Variants in CDKL5 observed in about 807,000 individuals in gnomAD.
CDKL5 encodes cyclin dependent kinase like 5, also known as cyclin-dependent kinase-like 5.
CDKL5 carries 8 observed loss-of-function variants against 61.7 expected under a neutral mutation model. The ratio of observed to expected loss-of-function variants is 0.13; its 90% confidence interval spans 0.08 to 0.23. The LOEUF (loss-of-function observed/expected upper bound fraction) is 0.23. CDKL5 is among the 10% of genes least tolerant of loss of function. The pLI is 1.00. For synonymous variants in CDKL5, 275 were observed against 272.3 expected, an observed-to-expected ratio of 1.01 and a Z score of -0.10; for missense variants, 440 against 734.5, an observed-to-expected ratio of 0.60 and a Z score of 4.63.
At chrX:18,568,834 A>G (rs977662436) in intron 4 of CDKL5, among the ~76,000 whole-genome samples, 10 of 109,781 alleles carry the variant, frequency 9.1e-5, no homozygotes, top group African/African-American at 3.3e-4. Context: ...AGCTGGGACT[A>G]CAGGTGCGCA....
chrX:18,484,948 A>G (rs1444696228), intron 1 of CDKL5, among the ~76,000 whole-genome samples: 2 of 110,525 alleles, frequency 1.8e-5, no homozygotes, highest in East Asian at 5.7e-4. Context: ...TAGTAGAGCC[A>G]GGGTCTCGCC....
intron 1 of CDKL5, among the ~76,000 whole-genome samples, chrX:18,499,814 G>A (rs960860527): frequency 3.6e-5 from 4 of 111,908 alleles, no homozygotes; most frequent in East Asian, 2.8e-4. Context: ...CTTACCTTGC[G>A]TGTTTGGCCA....
intron 3 of CDKL5, among the ~76,000 whole-genome samples, chrX:18,539,622 C>G (rs1188642823): frequency 9.0e-6 from 1 of 111,456 alleles, no homozygotes; most frequent in Non-Finnish European, 1.9e-5. Flanking sequence ...TTTTGTGGCC[C>G]AAGATGTGTT....
chrX:18,579,558 T>C (rs1244488634), intron 5 of CDKL5, among the ~76,000 whole-genome samples: 5 of 111,444 alleles, frequency 4.5e-5, no homozygotes, highest in Non-Finnish European at 9.4e-5. Flanking sequence ...TGTATTGCTT[T>C]TCTCTTCTAA....
chrX:18,445,793 T>TG (rs1246941435), intron 1 of CDKL5, among the ~76,000 whole-genome samples: 4 of 111,300 alleles, frequency 3.6e-5, no homozygotes, highest in Admixed American at 1.9e-4. Flanking sequence ...CATACGGAAC[T>TG]GGGGGTCAAT....
rs1224789558 is a variant in CDKL5 at position 18,584,225 on chromosome X, T to C, written c.464-38T>C. The C allele has an allele frequency of 3.2e-6, 3 of 939,534 alleles. No homozygotes were observed. In the African/African-American group the frequency reaches 5.8e-5, roughly 18 times the overall value. The allele number at this position is 939,534 out of a possible 1,213,427, so 77.4% of individuals were successfully genotyped here. A position where few individuals can be genotyped will look rare whatever the true frequency, so the allele number is the denominator to read the frequency against. On this transcript the variant is annotated intron_variant, in intron 7 of 17. Coordinates refer to ENST00000623535, the MANE Select transcript of CDKL5 (RefSeq NM_001323289.2). ...TTTGCCCACATGAATTATTATTTCTTTTTCAAAGTTACAACTTTGGACTTT... is the reference window on the plus strand; with the variant it reads ...TTTGCCCACATGAATTATTATTTCTCTTTCAAAGTTACAACTTTGGACTTT...
At chrX:18,560,062 T>G (rs1314913740) in intron 3 of CDKL5, among the ~76,000 whole-genome samples, 3 of 110,009 alleles carry the variant, frequency 2.7e-5, no homozygotes, top group Non-Finnish European at 5.7e-5. Flanking sequence ...GTTCCAAGTC[T>G]TTGCTATTGT....
rs1927293094 is a variant in CDKL5, at chrX:18,633,610, A to T, written c.*4853A>T. 1.3e-6 allele frequency: 1 copy of T among 753,750 alleles called. No homozygotes were observed. Among genetic ancestry groups the T allele is most frequent in the African/African-American group, 2.3e-5 (1 of 43,557 alleles). The allele number at this position is 753,750 out of a possible 1,213,427, so 62.1% of individuals were successfully genotyped here. A position where few individuals can be genotyped will look rare whatever the true frequency, so the allele number is the denominator to read the frequency against. Reference sequence around the variant, plus strand: ...ACGATGAGTAAGAAACCATACAAGAAAAAGAAGTCCCTCATCTATCTGCAT... The same window carrying T: ...ACGATGAGTAAGAAACCATACAAGATAAAGAAGTCCCTCATCTATCTGCAT... On this transcript the variant is annotated 3_prime_UTR_variant, in exon 18 of 18. Transcript: ENST00000623535.
At chrX:18,544,578 G>C (rs767196387) in intron 3 of CDKL5, among the ~76,000 whole-genome samples, 1 of 111,926 alleles carries the variant, frequency 8.9e-6, no homozygotes, top group Admixed American at 9.5e-5. Context: ...GTAGAGCCAG[G>C]ATTCAAATGC....
chrX:18,590,215 G>T (rs754186525), intron 9 of CDKL5, among the ~76,000 whole-genome samples: 57 of 111,472 alleles, frequency 5.1e-4, no homozygotes, highest in African/African-American at 1.7e-3. Context: ...CCTTGCCCAT[G>T]CCTGTGTCCT....
chrX:18,521,341 A>G (rs770425800), intron 3 of CDKL5, among the ~76,000 whole-genome samples: 1 of 111,926 alleles, frequency 8.9e-6, no homozygotes, highest in East Asian at 2.8e-4. Flanking sequence ...CTTTCTTAAT[A>G]GTGTGCTAGA....
chrX:18,514,576 G>A (rs1007949535), intron 3 of CDKL5, among the ~76,000 whole-genome samples: 11 of 108,464 alleles, frequency 1.0e-4, no homozygotes, highest in African/African-American at 3.4e-4. Flanking sequence ...GCGTGGGGGC[G>A]CATGCTTTTA....
chrX:18,497,091 C>T (rs1302561231), intron 1 of CDKL5, among the ~76,000 whole-genome samples: 1 of 109,283 alleles, frequency 9.2e-6, no homozygotes, highest in African/African-American at 3.3e-5. Context: ...CTCCTGGGTT[C>T]AAGCAATTCT....
intron 3 of CDKL5, among the ~76,000 whole-genome samples, chrX:18,543,192 A>G (rs981635888): frequency 7.4e-5 from 8 of 108,753 alleles, no homozygotes; most frequent in Non-Finnish European, 1.3e-4. Flanking sequence ...TTTTGGCAGT[A>G]CCCTCCCTGT....
At chrX:18,645,778 C>T (rs992255923) in intron 19 of CDKL5, among the ~76,000 whole-genome samples, 2 of 110,699 alleles carry the variant, frequency 1.8e-5, no homozygotes, top group South Asian at 3.9e-4. Context: ...AATTATCACC[C>T]GATACTCCCT....
Position 18,488,157 on chromosome X carries a change from G to A in CDKL5, c.-162-18778G>A, listed in dbSNP as rs191004121. On this transcript the variant is annotated intron_variant, in intron 1 of 17. Coordinates refer to ENST00000623535, the MANE Select transcript of CDKL5 (RefSeq NM_001323289.2). ...ACAGTGAAATGATGAAACCTAAAAT[G>A]TTGAGATGAATTGCAACAAAACTTT... 7.4e-3 allele frequency among the ~76,000 whole-genome samples: 817 copies of A among 110,969 alleles called. 9 individuals carry two copies. Among genetic ancestry groups the A allele is most frequent in the African/African-American group, 0.025 (758 of 30,552 alleles).
chrX:18,466,310 A>G (rs1391247283), intron 1 of CDKL5, among the ~76,000 whole-genome samples: 3 of 112,286 alleles, frequency 2.7e-5, no homozygotes, highest in Non-Finnish European at 5.6e-5. Context: ...AGTGAAAGCT[A>G]ATAGTATTTT....
intron 1 of CDKL5, among the ~76,000 whole-genome samples, chrX:18,433,675 C>T (rs950221189): frequency 1.8e-5 from 2 of 112,748 alleles, no homozygotes; most frequent in African/African-American, 3.2e-5. Flanking sequence ...ATATAAATTA[C>T]CTTGTGTTTG....
At chrX:18,605,479 G>A (rs1223993326) in intron 12 of CDKL5, among the ~76,000 whole-genome samples, 4 of 111,484 alleles carry the variant, frequency 3.6e-5, no homozygotes, top group African/African-American at 1.3e-4. Context: ...GACCTAACCT[G>A]CTTAAAAGAA....
Sources: allele counts gnomAD v4.1 joint callset (sites outside exome capture counted in the v4.1 genomes callset), GRCh38; gene constraint gnomAD v4.1.1; transcripts MANE v1.5; gene names NCBI Gene and HGNC (gene_info 2026-07-23, HGNC 2026-07-21).